The following FREM1 variants were observed in gnomAD, a reference collection of about 807,000 sequenced individuals.
FREM1 encodes the protein FRAS1-related extracellular matrix protein 1.
Under a neutral mutation model 210.1 loss-of-function variants are expected in FREM1, and 220 were observed. The ratio of observed to expected loss-of-function variants is 1.05; its 90% confidence interval spans 0.94 to 1.17. FREM1 has a LOEUF of 1.17. FREM1 is among the 50% of genes most tolerant of loss of function. The pLI, the probability that FREM1 is intolerant of heterozygous loss-of-function variation, is 0.00. For synonymous variants in FREM1, 1,189 were observed against 980.2 expected (o/e 1.21, Z -3.98); for missense variants, 3,454 against 2,675.5 (o/e 1.29, Z -6.42).
At chr9:14,860,534 T>TATATATATACACATATATATACACAC (rs971440602) in intron 3 of FREM1, among the ~76,000 whole-genome samples, 3 of 107,464 alleles carry the variant, frequency 2.8e-5, no homozygotes, top group Admixed American at 9.7e-5. Context: ...AGTAGGTATG[T>TATATATATACACATATATATACACAC]ATATATATAC....
At position 14,861,250 on chromosome 9, in the gene FREM1, T is replaced by TACAC. The variant is rs1220712088; in HGVS notation, c.330-1767_330-1766insGTGT. 2.3e-3 allele frequency among the ~76,000 whole-genome samples: 153 copies of TACAC among 65,964 alleles called. 7 individuals are homozygous for TACAC. Among genetic ancestry groups the TACAC allele is most frequent in the African/African-American group, 0.011 (122 of 10,702 alleles). The allele number at this position is 65,964 out of a possible 152,430, so 43.3% of individuals were successfully genotyped here. On this transcript the variant is annotated intron_variant, in intron 3 of 36. Coordinates refer to ENST00000380880, the MANE Select transcript of FREM1 (RefSeq NM_001379081.2). ...ATATACACATATATACACACATATA[T>TACAC]ACATATATACACATATACACATATA...
At chr9:14,792,931 C>A in intron 21 of FREM1, 47 bp from the exon 22 acceptor site, 2 of 1,298,682 alleles carry the variant, frequency 1.5e-6, no homozygotes, top group East Asian at 2.5e-5. Context: ...AGAAGATATT[C>A]CTTTAGTAGG....
At position 14,903,946 on chromosome 9, in the gene FREM1, C is replaced by T. The variant is rs111697132; in HGVS notation, c.-268+5968G>A. Among the ~76,000 whole-genome samples the T allele has an allele frequency of 9.2e-3, 1,395 of 151,872 alleles. 23 individuals are homozygous for T. Among genetic ancestry groups the T allele is most frequent in the African/African-American group, 0.032 (1,320 of 41,416 alleles). On this transcript the variant is annotated intron_variant, in intron 1 of 36. Transcript: ENST00000380880. ...ACCATCCTGGCTAACACAGTGAAAC[C>T]GCGTCTCTACTAAAAATACAAAAAA...
chr9:14,859,351 C>A lies in FREM1; in HGVS notation c.463G>T (p.Asp155Tyr). The change falls in exon 4 of 37, where the codon GAT (aspartate) becomes TAT (tyrosine). Residue 155 changes from aspartate to tyrosine, a missense_variant. Transcript: ENST00000380880. The part of the protein sequence containing the change: ...PEFNGLSQAI[D>Y]KNLLRFDYDR... ...TAATCGAATCTGAGCAGATTTTTATCAATCGCTTGGGACAAGCCATTGAAT... is the reference window on the plus strand; with the variant it reads ...TAATCGAATCTGAGCAGATTTTTATAAATCGCTTGGGACAAGCCATTGAAT... 6.2e-7 allele frequency: 1 copy of A among 1,613,888 alleles called. No individual in the cohort carries two copies. The highest frequency in any genetic ancestry group is 8.5e-7 in the Non-Finnish European group (1 of 1,179,870).
At chr9:14,770,562 G>C in intron 26 of FREM1, 43 bp downstream of exon 26, 1 of 1,452,174 alleles carries the variant, frequency 6.9e-7, no homozygotes, top group East Asian at 2.3e-5. Flanking sequence ...CCAGCCACTG[G>C]GTATTTTAAA....
chr9:14,803,067 T>C (rs7871686), intron 19 of FREM1, among the ~76,000 whole-genome samples: 29 of 145,822 alleles, frequency 2.0e-4, no homozygotes, highest in African/African-American at 3.9e-4. Flanking sequence ...TTTCTTTTCT[T>C]TCTTTCTCTT....
intron 7 of FREM1, among the ~76,000 whole-genome samples, chr9:14,848,313 T>G (rs1827055039): frequency 1.3e-5 from 2 of 152,240 alleles, no homozygotes; most frequent in Non-Finnish European, 2.9e-5. Context: ...AAGCTAAACC[T>G]TTCTCCAATC....
chr9:14,764,337 T>G (rs926749770), intron 27 of FREM1, among the ~76,000 whole-genome samples: 3 of 152,160 alleles, frequency 2.0e-5, no homozygotes, highest in Non-Finnish European at 4.4e-5. Flanking sequence ...AATACAACCA[T>G]CGAAAATATT....
Position 14,746,371 on chromosome 9 carries a change from G to A in FREM1, c.6236C>T (p.Ala2079Val), listed in dbSNP as rs374421259. 1.9e-6 allele frequency: 3 copies of A among 1,613,486 alleles called. No homozygotes were observed. The highest frequency in any genetic ancestry group is 1.1e-5 in the South Asian group (1 of 91,046). ...GCCTTACTGTTCCCTGCAAGCTTGG[G>A]CAGCCGCATTCCAGGTGCCTTTCTG... ...TEQKGTWNAA[A>V]QACREQYLGN... is the part of the protein sequence containing the mutation. The change falls in exon 35 of 37, where the codon GCC (alanine) becomes GTC (valine). Residue 2079 changes from alanine (A) to valine (V), a missense_variant. Transcript: ENST00000380880.
At position 14,755,502 on chromosome 9, in the gene FREM1, T is replaced by C. The variant is rs145615946; in HGVS notation, c.5407+872A>G. ...TATTTGCCACTCCCAAGCCCCCACATTTGATTCAGATCCATCTCAAACCCC... is the reference window on the plus strand; with the variant it reads ...TATTTGCCACTCCCAAGCCCCCACACTTGATTCAGATCCATCTCAAACCCC... On this transcript the variant is annotated intron_variant, in intron 29 of 36. Transcript: ENST00000380880. Among the ~76,000 whole-genome samples, 707 of 152,216 alleles carry C rather than the reference T, an allele frequency of 4.6e-3. 7 individuals are homozygous for C. Among genetic ancestry groups the C allele is most frequent in the African/African-American group, 0.016 (660 of 41,546 alleles).
intron 10 of FREM1, among the ~76,000 whole-genome samples, chr9:14,830,800 C>T (rs977184002): frequency 6.6e-5 from 10 of 152,170 alleles, no homozygotes; most frequent in Admixed American, 3.3e-4. Flanking sequence ...CTTCACTCAT[C>T]GAAGCCATAT....
chr9:14,828,398 C>T (rs957248736), intron 10 of FREM1, among the ~76,000 whole-genome samples: 3 of 152,168 alleles, frequency 2.0e-5, no homozygotes, highest in African/African-American at 7.2e-5. Flanking sequence ...ACCTGTCCCA[C>T]CATTGTATTT....
At chr9:14,888,235 G>A (rs1368579902) in intron 1 of FREM1, among the ~76,000 whole-genome samples, 1 of 152,144 alleles carries the variant, frequency 6.6e-6, no homozygotes, top group African/African-American at 2.4e-5. Context: ...GACATAAAGA[G>A]GTTAAGTAAC....
At chr9:14,779,736 C>T (rs1486824250) in intron 24 of FREM1, among the ~76,000 whole-genome samples, 1 of 152,160 alleles carries the variant, frequency 6.6e-6, no homozygotes, top group Non-Finnish European at 1.5e-5. Flanking sequence ...AGTGAGGGCA[C>T]GCGGGCCACA....
At chr9:14,794,392 A>G (rs1215331127) in intron 21 of FREM1, among the ~76,000 whole-genome samples, 2 of 152,182 alleles carry the variant, frequency 1.3e-5, no homozygotes, top group African/African-American at 4.8e-5. Context: ...TCCCGAGGTT[A>G]AGGGCTGTCC....
chr9:14,748,282 C>T lies in FREM1; in HGVS notation c.5796+119G>A. On this transcript the variant is annotated intron_variant, in intron 31 of 36. Transcript: ENST00000380880. ...TGCATAACTGTGCAAGGAACCATGG[C>T]CCCCACTCACTATGAGAATCAAAAC... 9 of 649,978 alleles carry T rather than the reference C, an allele frequency of 1.4e-5. No homozygotes were observed. The South Asian group carries it at 1.9e-4, about 14-fold the overall frequency. 40.3% of individuals were successfully genotyped at this position (649,978 alleles called of 1,614,324 possible).
intron 25 of FREM1, 94 bp downstream of exon 25, chr9:14,775,695 G>C: frequency 1.3e-6 from 1 of 771,694 alleles, no homozygotes; most frequent in Non-Finnish European, 2.0e-6. Context: ...GTGACAGAGA[G>C]AGACTCCCTC....
intron 21 of FREM1, among the ~76,000 whole-genome samples, chr9:14,794,666 G>A (rs944643661): frequency 4.6e-5 from 7 of 152,134 alleles, no homozygotes; most frequent in South Asian, 4.1e-4. Flanking sequence ...TAGATTTGGC[G>A]GGAAAGCCAA....
intron 10 of FREM1, among the ~76,000 whole-genome samples, chr9:14,834,789 G>A (rs1824227037): frequency 6.6e-6 from 1 of 152,148 alleles, no homozygotes; most frequent in Non-Finnish European, 1.5e-5. Flanking sequence ...TTCAAAAATT[G>A]TATGGGTTTT....
Sources: allele counts gnomAD v4.1 joint callset (sites outside exome capture counted in the v4.1 genomes callset), GRCh38; gene constraint gnomAD v4.1.1; transcripts MANE v1.5; gene names NCBI Gene and HGNC (gene_info 2026-07-23, HGNC 2026-07-21).